Variants in MTHFD2 observed in about 807,000 individuals in gnomAD.
The protein encoded by MTHFD2 is methylenetetrahydrofolate dehydrogenase (NADP+ dependent) 2, methenyltetrahydrofolate cyclohydrolase.
In MTHFD2, 26 loss-of-function variants were observed where a neutral mutation model predicts 36.8. That is an observed-to-expected ratio of 0.71 (90% confidence interval 0.52 to 0.98). MTHFD2 has a LOEUF of 0.98. Ranked by LOEUF, MTHFD2 falls within the 50% of genes least tolerant of loss-of-function variation. MTHFD2 has a pLI of 0.00. For synonymous variants in MTHFD2, 164 were observed against 155.2 expected (o/e 1.06, Z -0.42); for missense variants, 373 against 434.0 (o/e 0.86, Z 1.25).
At chr2:74,205,912 G>A (rs375591307) in intron 2 of MTHFD2, 23 bp downstream of exon 2, 21 of 1,603,010 alleles carry the variant, frequency 1.3e-5, no homozygotes, top group East Asian at 6.7e-5. Flanking sequence ...CTGAGACCTC[G>A]ACTGCGGTTC....
At chr2:74,203,269 A>G (rs1307489907) in intron 1 of MTHFD2, among the ~76,000 whole-genome samples, 5 of 152,138 alleles carry the variant, frequency 3.3e-5, no homozygotes, top group Non-Finnish European at 2.9e-5. Flanking sequence ...GCCTCCCAAA[A>G]TGCTAGGATT....
intron 1 of MTHFD2, among the ~76,000 whole-genome samples, chr2:74,199,725 A>C (rs927125415): frequency 2.0e-5 from 3 of 151,984 alleles, no homozygotes; most frequent in African/African-American, 7.3e-5. Context: ...AAAAAAAAAA[A>C]AAAAGTTGAT....
In MTHFD2 at chr2:74,205,850, T is replaced by A. The variant is rs753881979; in HGVS notation, c.247T>A (p.Ser83Thr). Reference protein sequence around the residue: ...ILVGENPASHSYVLNKTRAAA... With the variant: ...ILVGENPASHTYVLNKTRAAA... ...GGTTGGCGAGAATCCTGCAAGTCACTCCTATGTCCTCAACAAAACCAGGGC... is the reference window on the plus strand; with the variant it reads ...GGTTGGCGAGAATCCTGCAAGTCACACCTATGTCCTCAACAAAACCAGGGC... Residue 83 changes from serine to threonine, a missense_variant, in exon 2 of 8, where the codon TCC becomes ACC. Coordinates refer to ENST00000394053, the MANE Select transcript of MTHFD2 (RefSeq NM_006636.4). 5.6e-6 allele frequency: 9 copies of A among 1,613,850 alleles called. No homozygotes were observed. The highest frequency in any genetic ancestry group is 7.6e-6 in the Non-Finnish European group (9 of 1,180,004).
intron 3 of MTHFD2, 52 bp from the exon 4 acceptor site, chr2:74,208,516 AG>A: frequency 6.4e-7 from 1 of 1,569,746 alleles, no homozygotes; most frequent in South Asian, 1.2e-5. Context: ...GGAGTCAGGC[AG>A]TGCTGACTAT....
At chr2:74,213,531 C>T (rs1270524667) in intron 7 of MTHFD2, among the ~76,000 whole-genome samples, 8 of 152,120 alleles carry the variant, frequency 5.3e-5, no homozygotes, top group Non-Finnish European at 1.0e-4. Context: ...CCCCACCTCA[C>T]ACCCTGCCTC....
chr2:74,210,785 G>GTTTTTTTTTT (rs71406865), intron 5 of MTHFD2, among the ~76,000 whole-genome samples: 8 of 132,064 alleles, frequency 6.1e-5, no homozygotes, highest in African/African-American at 1.8e-4. Context: ...CATTAAGTCA[G>GTTTTTTTTTT]TTTTTTTTTT....
chr2:74,211,233 T>A lies in MTHFD2; in HGVS notation c.705T>A (p.Thr235=). Residue 235 remains threonine (T), a synonymous_variant, in exon 6 of 8, where the codon ACT becomes ACA. Coordinates refer to ENST00000394053, the MANE Select transcript of MTHFD2 (RefSeq NM_006636.4). ...DATVTISHRY[T]PKEQLKKHTI... ...CTGTTACAATATCTCATCGATATAC[T>A]CCCAAAGAGCAGTTGAAGAAACATA... 1 of 1,608,624 alleles carries A rather than the reference T, an allele frequency of 6.2e-7. No individual in the cohort carries two copies. The highest frequency in any genetic ancestry group is 8.5e-7 in the Non-Finnish European group (1 of 1,176,794).
In MTHFD2 at chr2:74,216,158, T is replaced by C. The variant is rs933416462; in HGVS notation, c.*1916T>C. On this transcript the variant is annotated 3_prime_UTR_variant, in exon 8 of 8. Transcript: ENST00000394053. ...GGAGTTTAAAGAAGTTTAGATAGTT[T>C]GCTGGAGATGTTTTTGTAAGTGACG... 1.3e-5 allele frequency: 2 copies of C among 152,222 alleles called. No homozygotes were observed. Among genetic ancestry groups the C allele is most frequent in the Non-Finnish European group, 2.9e-5 (2 of 68,042 alleles). 9.4% of individuals were successfully genotyped at this position (152,222 alleles called of 1,614,324 possible). A position where few individuals can be genotyped will look rare whatever the true frequency, so the allele number is the denominator to read the frequency against.
chr2:74,210,432 G>A (rs1199420426), intron 5 of MTHFD2, among the ~76,000 whole-genome samples: 12 of 152,190 alleles, frequency 7.9e-5, no homozygotes, highest in African/African-American at 2.9e-4. Flanking sequence ...TGACTGTAAT[G>A]TGTCCTGTCA....
At position 74,215,415 on chromosome 2, in the gene MTHFD2, TTTC is replaced by T. The variant is rs1694416013; in HGVS notation, c.*1178_*1180del. On this transcript the variant is annotated 3_prime_UTR_variant, in exon 8 of 8. Transcript: ENST00000394053. ...CTATAGCCTTAAATAGATAATTTTT[TTTC>T]TTCTATTTTTTTTTTTTTTTTTGTA... 1.3e-5 allele frequency: 2 copies of T among 151,218 alleles called. No homozygotes were observed. The highest frequency in any genetic ancestry group is 2.5e-5 in the African/African-American group (1 of 40,656). The allele number at this position is 151,218 out of a possible 1,614,324, so 9.4% of individuals were successfully genotyped here.
chr2:74,201,561 C>T (rs1262597982), intron 1 of MTHFD2, among the ~76,000 whole-genome samples: 4 of 151,662 alleles, frequency 2.6e-5, no homozygotes, highest in Admixed American at 2.6e-4. Context: ...GATGGGGTCT[C>T]ACCATGTTGC....
rs544958566 is a variant in MTHFD2, at chr2:74,200,468, T to G, written c.101+1726T>G. 2.6e-5 allele frequency among the ~76,000 whole-genome samples: 4 copies of G among 151,948 alleles called. No individual in the cohort carries two copies. The South Asian group carries it at 8.3e-4, about 31-fold the overall frequency. On this transcript the variant is annotated intron_variant, in intron 1 of 7. Transcript: ENST00000394053. ...ATATTGCTTTCTTACTGCTGCTTAT[T>G]TTTTAAAATACTGTTTATTTTTAAA...
rs541214009 is a variant in MTHFD2, at chr2:74,201,785, T to C, written c.101+3043T>C. Among the ~76,000 whole-genome samples, 29 of 152,378 alleles carry C rather than the reference T, an allele frequency of 1.9e-4. No homozygotes were observed. In the South Asian group the frequency reaches 5.6e-3, roughly 29 times the overall value. On this transcript the variant is annotated intron_variant, in intron 1 of 7. Coordinates refer to ENST00000394053, the MANE Select transcript of MTHFD2 (RefSeq NM_006636.4). ...TTTGGGGTAGCAGTTAATCTGCCCCTTGGCAAAAGAGATGATGCTAAATTA... is the reference window on the plus strand; with the variant it reads ...TTTGGGGTAGCAGTTAATCTGCCCCCTGGCAAAAGAGATGATGCTAAATTA...
chr2:74,200,719 G>A (rs143999922), intron 1 of MTHFD2, among the ~76,000 whole-genome samples: 180 of 152,194 alleles, frequency 1.2e-3, no homozygotes, highest in African/African-American at 3.9e-3. Flanking sequence ...GTATTACAGT[G>A]TTATTATAAT....
intron 2 of MTHFD2, among the ~76,000 whole-genome samples, chr2:74,207,302 G>A (rs991290976): frequency 6.6e-6 from 1 of 152,016 alleles, no homozygotes; most frequent in African/African-American, 2.4e-5. Flanking sequence ...CTAATTTTTT[G>A]TATTTTTAGT....
chr2:74,213,770 T>TA (rs1292166664), intron 7 of MTHFD2, among the ~76,000 whole-genome samples: 1 of 152,242 alleles, frequency 6.6e-6, no homozygotes, highest in African/African-American at 2.4e-5. Context: ...AAGAAAATGC[T>TA]ATAGGCAGGT....
chr2:74,215,731 C>A lies in MTHFD2; in HGVS notation c.*1489C>A, dbSNP rs1694425667. 1 of 152,370 alleles carries A rather than the reference C, an allele frequency of 6.6e-6. No individual in the cohort carries two copies. The highest frequency in any genetic ancestry group is 1.5e-5 in the Non-Finnish European group (1 of 68,216). 9.4% of individuals were successfully genotyped at this position (152,370 alleles called of 1,614,324 possible). ...TCAAACAATTCTTGTGCCTCAGCCTCCTGAGTAGCTGGGATTACAGGTGCA... is the reference window on the plus strand; with the variant it reads ...TCAAACAATTCTTGTGCCTCAGCCTACTGAGTAGCTGGGATTACAGGTGCA... On this transcript the variant is annotated 3_prime_UTR_variant, in exon 8 of 8. Transcript: ENST00000394053.
chr2:74,203,780 CAGAGAT>C (rs1694096005), intron 1 of MTHFD2, among the ~76,000 whole-genome samples: 4 of 151,776 alleles, frequency 2.6e-5, no homozygotes, highest in African/African-American at 9.7e-5. Flanking sequence ...ACACCAAGGA[CAGAGAT>C]CTAAAGGGAA....
rs375363216 is a variant in MTHFD2 at position 74,198,620 on chromosome 2, G to C, written c.-22G>C. On this transcript the variant is annotated 5_prime_UTR_variant, in exon 1 of 8. Coordinates refer to ENST00000394053, the MANE Select transcript of MTHFD2 (RefSeq NM_006636.4). ...TGGCCCGCGCGCGCGCTTCCCTCCC[G>C]GCGCAGTCACCGGCGCGGTCTATGG... 7 of 1,582,996 alleles carry C rather than the reference G, an allele frequency of 4.4e-6. No homozygotes were observed. The highest frequency in any genetic ancestry group is 2.7e-5 in the African/African-American group (2 of 73,770).
Sources: gnomAD v4.1 joint callset for allele counts (sites outside exome capture counted in the v4.1 genomes callset) on GRCh38, gnomAD v4.1.1 for gene constraint, MANE v1.5 for transcripts, NCBI Gene and HGNC (gene_info 2026-07-23, HGNC 2026-07-21) for gene names.